BIRC5: variants seen among roughly 807,000 people sequenced by gnomAD.
BIRC5 encodes baculoviral IAP repeat containing 5.
BIRC5 carries 8 observed loss-of-function variants against 15.8 expected under a neutral mutation model. The observed-to-expected ratio is 0.51, with a 90% CI of 0.30 to 0.91. The LOEUF (loss-of-function observed/expected upper bound fraction) is 0.91. Ranked by LOEUF, BIRC5 falls within the 40% of genes least tolerant of loss-of-function variation. The pLI, the probability that BIRC5 is intolerant of heterozygous loss-of-function variation, is 0.07. For missense variants in BIRC5, 163 were observed against 178.6 expected, an observed-to-expected ratio of 0.91 and a Z score of 0.50; for synonymous variants, 56 against 64.5, an observed-to-expected ratio of 0.87 and a Z score of 0.63.
intron 3 of BIRC5, chr17:78,222,803 A>G (rs771256533): frequency 6.5e-7 from 1 of 1,535,500 alleles, no homozygotes; most frequent in South Asian, 1.2e-5. Flanking sequence ...TGGATTTGCT[A>G]ATGTGATTGT....
chr17:78,217,792 C>G (rs909157242), intron 3 of BIRC5, among the ~76,000 whole-genome samples: 2 of 151,802 alleles, frequency 1.3e-5, no homozygotes, highest in South Asian at 2.1e-4. Context: ...CCACCACACC[C>G]GGCTATTTTT....
intron 3 of BIRC5, among the ~76,000 whole-genome samples, chr17:78,219,298 C>T (rs1779796041): frequency 6.6e-6 from 1 of 152,184 alleles, no homozygotes; most frequent in Non-Finnish European, 1.5e-5. Context: ...GATTCTCGTG[C>T]CTCAGGCTCC....
chr17:78,216,518 T>C (rs950182194), intron 2 of BIRC5, 146 bp from the exon 3 acceptor site: 6 of 677,170 alleles, frequency 8.9e-6, no homozygotes, highest in African/African-American at 1.8e-5. Flanking sequence ...GGCAAAGCAC[T>C]GATGCCATCA....
intron 3 of BIRC5, among the ~76,000 whole-genome samples, chr17:78,219,778 C>A (rs376490792): frequency 2.2e-4 from 33 of 152,136 alleles, no homozygotes; most frequent in Admixed American, 2.0e-3. Context: ...ATTCTTAGCC[C>A]GTGGGCTGGA....
intron 3 of BIRC5, among the ~76,000 whole-genome samples, chr17:78,217,062 T>A (rs1000691506): frequency 1.3e-5 from 2 of 150,412 alleles, no homozygotes; most frequent in African/African-American, 4.9e-5. Context: ...GTATTTTTAG[T>A]AGAGATGGGG....
rs1567867388 is a variant in BIRC5, at chr17:78,224,051, G to GTGTTTTTTTTTTTTT, written c.*498_*499insGTTTTTTTTTTTTTT. The GTGTTTTTTTTTTTTT allele has an allele frequency of 1.7e-5, 2 of 114,834 alleles. 1 individual carries two copies. Among genetic ancestry groups the GTGTTTTTTTTTTTTT allele is most frequent in the Non-Finnish European group, 3.6e-5 (2 of 55,484 alleles). The allele number at this position is 114,834 out of a possible 1,614,324, so 7.1% of individuals were successfully genotyped here. A position where few individuals can be genotyped will look rare whatever the true frequency, so the allele number is the denominator to read the frequency against. ...CTCCTCAGAGGACAGTTTTTTTGTTGTTGTGTTTTTTTGTTTTTTTTTTTT... is the reference window on the plus strand; with the variant it reads ...CTCCTCAGAGGACAGTTTTTTTGTTGTGTTTTTTTTTTTTTTTGTGTTTTTTTGTTTTTTTTTTTT... On this transcript the variant is annotated 3_prime_UTR_variant, in exon 4 of 4. Coordinates refer to ENST00000350051, the MANE Select transcript of BIRC5 (RefSeq NM_001168.3).
At chr17:78,221,773 G>T (rs2076517180) in intron 3 of BIRC5, among the ~76,000 whole-genome samples, 1 of 152,190 alleles carries the variant, frequency 6.6e-6, no homozygotes, top group South Asian at 2.1e-4. Flanking sequence ...GCTAATTTAA[G>T]GCTTTTTTGA....
In BIRC5 at chr17:78,224,696, C is replaced by T. The variant is rs995355347; in HGVS notation, c.*1142C>T. On this transcript the variant is annotated 3_prime_UTR_variant, in exon 4 of 4. Transcript: ENST00000350051. ...CTGAGAAATAAAAAGCCTGTCATTT[C>T]AAACACTGCTGTGGACCCTACTGGG... 1 of 152,234 alleles carries T rather than the reference C, an allele frequency of 6.6e-6. No individual in the cohort carries two copies. Among genetic ancestry groups the T allele is most frequent in the Admixed American group, 6.5e-5 (1 of 15,272 alleles). 9.4% of individuals were successfully genotyped at this position (152,234 alleles called of 1,614,324 possible). A position where few individuals can be genotyped will look rare whatever the true frequency, so the allele number is the denominator to read the frequency against.
At chr17:78,222,513 A>G (rs893406332) in intron 3 of BIRC5, among the ~76,000 whole-genome samples, 6 of 152,008 alleles carry the variant, frequency 3.9e-5, no homozygotes, top group African/African-American at 7.2e-5. Context: ...CTAAAAATAC[A>G]AAATTAGCCG....
chr17:78,218,362 C>T (rs145853334), intron 3 of BIRC5, among the ~76,000 whole-genome samples: 11,602 of 151,086 alleles, frequency 0.077, 637 homozygotes, highest in Middle Eastern at 0.2. Flanking sequence ...GGCACGATCT[C>T]GGCTCACTGC....
intron 2 of BIRC5, chr17:78,215,142 A>T (rs1301466520): frequency 5.1e-6 from 1 of 195,572 alleles, no homozygotes; most frequent in African/African-American, 2.4e-5. Context: ...ACAGCACAAA[A>T]ATTACCCTTT....
chr17:78,224,063 TG>T lies in BIRC5; in HGVS notation c.*510del, dbSNP rs1224934902. 0.023 allele frequency: 1,728 copies of T among 75,938 alleles called. 38 individuals are homozygous for T. The highest frequency in any genetic ancestry group is 0.081 in the South Asian group (195 of 2,416). The allele number at this position is 75,938 out of a possible 1,614,324, so 4.7% of individuals were successfully genotyped here. A position where few individuals can be genotyped will look rare whatever the true frequency, so the allele number is the denominator to read the frequency against. Reference sequence around the variant, plus strand: ...CAGTTTTTTTGTTGTTGTGTTTTTTTGTTTTTTTTTTTTTGGTAGATGCATG... The same window carrying T: ...CAGTTTTTTTGTTGTTGTGTTTTTTTTTTTTTTTTTTTTGGTAGATGCATG... On this transcript the variant is annotated 3_prime_UTR_variant, in exon 4 of 4. Transcript: ENST00000350051.
At chr17:78,220,393 A>G (rs1227617888) in intron 3 of BIRC5, among the ~76,000 whole-genome samples, 1 of 150,836 alleles carries the variant, frequency 6.6e-6, no homozygotes, top group Admixed American at 6.6e-5. Context: ...GCGCCACTGC[A>G]CTCCAGCCTG....
At chr17:78,223,142 A>G in intron 3 of BIRC5, 1 of 774,192 alleles carries the variant, frequency 1.3e-6, no homozygotes, top group Non-Finnish European at 2.0e-6. Context: ...CCTGTATAGT[A>G]GAGATATGGG....
chr17:78,220,837 C>T (rs1252264705), intron 3 of BIRC5, among the ~76,000 whole-genome samples: 1 of 152,184 alleles, frequency 6.6e-6, no homozygotes, highest in African/African-American at 2.4e-5. Flanking sequence ...TCTCCCACCT[C>T]AGCTTCCCAA....
intron 3 of BIRC5, among the ~76,000 whole-genome samples, chr17:78,221,495 C>T (rs188833746): frequency 5.9e-5 from 9 of 152,040 alleles, no homozygotes; most frequent in East Asian, 1.9e-4. Context: ...GGCGTGATCT[C>T]GGCTGACGGC....
chr17:78,223,908 C>A lies in BIRC5; in HGVS notation c.*354C>A. ...GACAGCTTTGTTCGCGTGGGCAGAG[C>A]CTTCCACAGTGAATGTGTCTGGACC... On this transcript the variant is annotated 3_prime_UTR_variant, in exon 4 of 4. Coordinates refer to ENST00000350051, the MANE Select transcript of BIRC5 (RefSeq NM_001168.3). 1 of 370,428 alleles carries A rather than the reference C, an allele frequency of 2.7e-6. No homozygotes were observed. 22.9% of individuals were successfully genotyped at this position (370,428 alleles called of 1,614,324 possible).
At chr17:78,216,879 C>A (rs2076482137) in intron 3 of BIRC5, 98 bp downstream of exon 3, 1 of 907,548 alleles carries the variant, frequency 1.1e-6, no homozygotes, top group Non-Finnish European at 1.6e-6. Flanking sequence ...CCTCAGGAAG[C>A]ATTTTTTTTT....
In BIRC5 at chr17:78,223,478, A is replaced by G; in HGVS notation, c.353A>G (p.Asn118Ser). 1 of 1,600,370 alleles carries G rather than the reference A, an allele frequency of 6.2e-7. No individual in the cohort carries two copies. Among genetic ancestry groups the G allele is most frequent in the Non-Finnish European group, 8.5e-7 (1 of 1,172,756 alleles). The change falls in exon 4 of 4, where the codon AAC (asparagine) becomes AGC (serine). Residue 118 changes from asparagine to serine, a missense_variant. Transcript: ENST00000350051. Reference protein sequence around the residue: ...RAKNKIAKETNNKKKEFEETA... With the variant: ...RAKNKIAKETSNKKKEFEETA... ...CTTTATTTCCAGGCAAAGGAAACCAACAATAAGAAGAAAGAATTTGAGGAA... is the reference window on the plus strand; with the variant it reads ...CTTTATTTCCAGGCAAAGGAAACCAGCAATAAGAAGAAAGAATTTGAGGAA...
Sources: allele counts gnomAD v4.1 joint callset (sites outside exome capture counted in the v4.1 genomes callset), GRCh38; gene constraint gnomAD v4.1.1; transcripts MANE v1.5; gene names NCBI Gene and HGNC (gene_info 2026-07-23, HGNC 2026-07-21).